Variants in NPTN observed in about 807,000 individuals in gnomAD.
NPTN encodes neuroplastin.
A neutral mutation model predicts 42.7 loss-of-function variants in NPTN; 5 were observed. The observed-to-expected ratio is 0.12, with a 90% CI of 0.06 to 0.25. The LOEUF is 0.25. NPTN is among the 10% of genes least tolerant of loss of function. The probability of loss-of-function intolerance (pLI) is 1.00; values close to 1 mark genes in which losing one functional copy is unlikely to be tolerated. For missense variants in NPTN, 307 were observed against 525.4 expected, an observed-to-expected ratio of 0.58 and a Z score of 4.06; for synonymous variants, 180 against 201.9, an observed-to-expected ratio of 0.89 and a Z score of 0.92.
At chr15:73,586,245 A>G (rs1241651960) in intron 4 of NPTN, among the ~76,000 whole-genome samples, 1 of 152,230 alleles carries the variant, frequency 6.6e-6, no homozygotes, top group African/African-American at 2.4e-5. Context: ...AATTTGGCTC[A>G]CCTAGGCTGG....
intron 1 of NPTN, among the ~76,000 whole-genome samples, chr15:73,625,497 G>A (rs975566984): frequency 6.6e-6 from 1 of 151,972 alleles, no homozygotes; most frequent in Non-Finnish European, 1.5e-5. Context: ...ACCCCTGGCT[G>A]ATTTTTTGTA....
At position 73,569,481 on chromosome 15, in the gene NPTN, G is replaced by C; in HGVS notation, c.1114+669C>G. On this transcript the variant is annotated intron_variant, in intron 6 of 8. Transcript: ENST00000345330. The surrounding 1 kb of genome is among the most constrained non-coding windows in gnomAD (Gnocchi z 4.1). ...TCGGGGCATGGACTCCATTTGTTCC[G>C]CCTTTGCTATCTCTGTCTTACACTA... The C allele has an allele frequency of 1.0e-6, 1 of 985,374 alleles. No homozygotes were observed. Among genetic ancestry groups the C allele is most frequent in the Non-Finnish European group, 1.2e-6 (1 of 829,926 alleles). The allele number at this position is 985,374 out of a possible 1,614,324, so 61.0% of individuals were successfully genotyped here. A position where few individuals can be genotyped will look rare whatever the true frequency, so the allele number is the denominator to read the frequency against.
chr15:73,579,037 T>G (rs1467629589), intron 4 of NPTN, among the ~76,000 whole-genome samples: 1 of 145,074 alleles, frequency 6.9e-6, no homozygotes, highest in Non-Finnish European at 1.5e-5. Flanking sequence ...ATCCAAGTAT[T>G]GGGAAGGCTG....
intron 5 of NPTN, among the ~76,000 whole-genome samples, chr15:73,572,252 A>G (rs1240931241): frequency 1.3e-5 from 2 of 152,232 alleles, no homozygotes; most frequent in Non-Finnish European, 1.5e-5. Context: ...GAACCCTTCC[A>G]AAGAAGATGG....
chr15:73,560,065 A>G lies in NPTN; in HGVS notation c.*998T>C. On this transcript the variant is annotated 3_prime_UTR_variant, in exon 9 of 9. Transcript: ENST00000345330. Reference sequence around the variant, plus strand: ...AAAACAGGTGAATCCACTTTTTTATACATCATTGCACTTCAATAATTACAC... The same window carrying G: ...AAAACAGGTGAATCCACTTTTTTATGCATCATTGCACTTCAATAATTACAC... The G allele has an allele frequency of 1.6e-6, 1 of 615,606 alleles. No individual in the cohort carries two copies. The allele number at this position is 615,606 out of a possible 1,614,324, so 38.1% of individuals were successfully genotyped here.
chr15:73,583,105 G>A (rs780244659), intron 4 of NPTN, among the ~76,000 whole-genome samples: 3 of 152,142 alleles, frequency 2.0e-5, no homozygotes, highest in Admixed American at 6.5e-5. Flanking sequence ...AACCTAGACC[G>A]TCAAGAGCCA....
At chr15:73,566,795 A>G (rs987095229) in intron 6 of NPTN, among the ~76,000 whole-genome samples, 3 of 152,198 alleles carry the variant, frequency 2.0e-5, no homozygotes, top group South Asian at 4.1e-4. Flanking sequence ...AGTGAACAAA[A>G]CAAAGCTCTT....
At chr15:73,583,600 A>G (rs1219568465) in intron 4 of NPTN, among the ~76,000 whole-genome samples, 1 of 152,226 alleles carries the variant, frequency 6.6e-6, no homozygotes, top group African/African-American at 2.4e-5. Flanking sequence ...AGAGGAAAAG[A>G]AAGTGCAGGT....
chr15:73,622,026 A>G (rs907006529), intron 1 of NPTN, among the ~76,000 whole-genome samples: 23 of 152,096 alleles, frequency 1.5e-4, no homozygotes, highest in African/African-American at 5.1e-4. Flanking sequence ...ATTTAGGTAT[A>G]AAGTAATCAC....
intron 4 of NPTN, among the ~76,000 whole-genome samples, chr15:73,576,931 C>A (rs1170475181): frequency 6.6e-6 from 1 of 152,004 alleles, no homozygotes; most frequent in African/African-American, 2.4e-5. Context: ...AAAATGGGGA[C>A]TGGAGAGAGA....
intron 6 of NPTN, chr15:73,567,548 T>G: frequency 1.0e-6 from 1 of 985,282 alleles, no homozygotes; most frequent in Non-Finnish European, 1.2e-6. Flanking sequence ...TCCTATGGAG[T>G]GCACAGGGGT....
intron 1 of NPTN, among the ~76,000 whole-genome samples, chr15:73,619,111 A>G (rs991656434): frequency 1.3e-5 from 2 of 152,010 alleles, no homozygotes; most frequent in African/African-American, 4.8e-5. Context: ...TAAATTAAAA[A>G]ATTTAAACTA....
Position 73,569,331 on chromosome 15 carries a change from C to T in NPTN, c.1114+819G>A. 1 of 985,622 alleles carries T rather than the reference C, an allele frequency of 1.0e-6. No homozygotes were observed. 61.1% of individuals were successfully genotyped at this position (985,622 alleles called of 1,614,324 possible). ...CAAAAATTTCCCAAGGCTTTTCTGACTCTAGGCATATCCAATAACCTAAGA... is the reference window on the plus strand; with the variant it reads ...CAAAAATTTCCCAAGGCTTTTCTGATTCTAGGCATATCCAATAACCTAAGA... On this transcript the variant is annotated intron_variant, in intron 6 of 8. Transcript: ENST00000345330. The surrounding 1 kb of genome is among the most constrained non-coding windows in gnomAD (Gnocchi z 4.1).
chr15:73,611,939 A>T (rs1357573943), intron 1 of NPTN, among the ~76,000 whole-genome samples: 1 of 152,226 alleles, frequency 6.6e-6, no homozygotes, highest in Non-Finnish European at 1.5e-5. Flanking sequence ...TTTTTAAATT[A>T]AAAGTATCAA....
chr15:73,585,885 A>G (rs1341749678), intron 4 of NPTN, among the ~76,000 whole-genome samples: 1 of 152,214 alleles, frequency 6.6e-6, no homozygotes, highest in African/African-American at 2.4e-5. Flanking sequence ...CCTGGCCTAC[A>G]GCGTCCTATT....
chr15:73,624,978 A>G (rs1428231180), intron 1 of NPTN, among the ~76,000 whole-genome samples: 1 of 152,218 alleles, frequency 6.6e-6, no homozygotes, highest in African/African-American at 2.4e-5. Flanking sequence ...ATAAATCCAA[A>G]ATGTTTTATT....
At chr15:73,586,673 T>G (rs113170256) in intron 4 of NPTN, among the ~76,000 whole-genome samples, 393 of 152,334 alleles carry the variant, frequency 2.6e-3, no homozygotes, top group Non-Finnish European at 4.5e-3. Context: ...CTTCCAGGGA[T>G]AACTCTATGG....
chr15:73,615,784 T>C (rs1371374781), intron 1 of NPTN, among the ~76,000 whole-genome samples: 1 of 152,200 alleles, frequency 6.6e-6, no homozygotes, highest in Non-Finnish European at 1.5e-5. Flanking sequence ...AACTGGAACT[T>C]GGCAGTAGGT....
chr15:73,600,317 CAACAATGGTCTTT>C (rs1897024576), intron 1 of NPTN, among the ~76,000 whole-genome samples: 1 of 126,264 alleles, frequency 7.9e-6, no homozygotes, highest in Non-Finnish European at 1.6e-5. Context: ...TTTAAAATGC[CAACAATGGTCTTT>C]GAAGGCCATT....
Sources: allele counts gnomAD v4.1 joint callset (sites outside exome capture counted in the v4.1 genomes callset), GRCh38; gene constraint gnomAD v4.1.1; non-coding constraint Gnocchi (gnomAD v3.1); transcripts MANE v1.5; gene names NCBI Gene and HGNC (gene_info 2026-07-23, HGNC 2026-07-21).